AP1M1: variants seen among roughly 807,000 people sequenced by gnomAD.
AP1M1 encodes the protein AP-1 complex subunit mu-1.
In AP1M1, 18 loss-of-function variants were observed where a neutral mutation model predicts 57.1. The ratio of observed to expected loss-of-function variants is 0.32; its 90% CI spans 0.22 to 0.47. The LOEUF (loss-of-function observed/expected upper bound fraction) is 0.47, where lower values mean the gene tolerates loss of function less well. Ranked by LOEUF, AP1M1 falls within the 20% of genes least tolerant of loss-of-function variation. The probability of loss-of-function intolerance (pLI) is 1.00; values close to 1 mark genes in which losing one functional copy is unlikely to be tolerated. For missense variants in AP1M1, 362 were observed against 593.5 expected (o/e 0.61, Z 4.05); for synonymous variants, 241 against 237.9 (o/e 1.01, Z -0.12).
chr19:16,223,526 C>G (rs902211551), intron 5 of AP1M1, among the ~76,000 whole-genome samples: 1 of 152,218 alleles, frequency 6.6e-6, no homozygotes, highest in Non-Finnish European at 1.5e-5. Context: ...ACAACGGTTG[C>G]CCCACCCCCT....
At chr19:16,209,202 C>G (rs370707956) in intron 5 of AP1M1, 25 bp downstream of exon 5, 2 of 1,612,232 alleles carry the variant, frequency 1.2e-6, no homozygotes, top group African/African-American at 2.7e-5. Flanking sequence ...TTTCCTTCTT[C>G]TGTAGGGTTT....
intron 2 of AP1M1, among the ~76,000 whole-genome samples, chr19:16,204,926 G>A (rs1228922717): frequency 1.4e-5 from 2 of 141,558 alleles, no homozygotes; most frequent in African/African-American, 4.9e-5. Flanking sequence ...CGCCTCCCGG[G>A]TTCGCGCTAT....
chr19:16,210,676 C>T lies in AP1M1; in HGVS notation c.546+1499C>T, dbSNP rs200158336. 1.1e-4 allele frequency among the ~76,000 whole-genome samples: 16 copies of T among 152,314 alleles called. No homozygotes were observed. The East Asian group carries it at 2.1e-3, about 20-fold the overall frequency. On this transcript the variant is annotated intron_variant, in intron 5 of 11. Coordinates refer to ENST00000291439, the MANE Select transcript of AP1M1 (RefSeq NM_032493.4). ...CCAGGCTTAAGCGATTCTCCTGCCT[C>T]AGCCTCCCGAGTAGCTGGGATTACA... is the stretch of plus-strand genomic sequence containing the variant.
In AP1M1 at chr19:16,242,135, A is replaced by G. The variant is rs1373087184; in HGVS notation, c.*7700A>G. On this transcript the variant is annotated 3_prime_UTR_variant, in exon 12 of 12. Transcript: ENST00000291439. ...GGAGTTTGAGACCAGCCTGGGCAACATGGAGAAACTCTGTCTCTACAAAAA... is the reference window on the plus strand; with the variant it reads ...GGAGTTTGAGACCAGCCTGGGCAACGTGGAGAAACTCTGTCTCTACAAAAA... 1 of 152,316 alleles carries G rather than the reference A, an allele frequency of 6.6e-6. No individual in the cohort carries two copies. The highest frequency in any genetic ancestry group is 6.6e-5 in the Admixed American group (1 of 15,248). The allele number at this position is 152,316 out of a possible 1,614,324, so 9.4% of individuals were successfully genotyped here.
chr19:16,243,538 A>C lies in AP1M1; in HGVS notation c.*9103A>C, dbSNP rs1394963298. 6.6e-6 allele frequency: 1 copy of C among 151,064 alleles called. No homozygotes were observed. Among genetic ancestry groups the C allele is most frequent in the Admixed American group, 6.7e-5 (1 of 14,980 alleles). 9.4% of individuals were successfully genotyped at this position (151,064 alleles called of 1,614,324 possible). ...GTGATCCACCTGCCTCAGCCTCCAC[A>C]GTGCTGGAATTACAGGTGTGAGTCA... On this transcript the variant is annotated 3_prime_UTR_variant, in exon 12 of 12. Transcript: ENST00000291439.
chr19:16,226,327 TGA>T, intron 5 of AP1M1, 92 bp from the exon 6 acceptor site: 2 of 1,452,474 alleles, frequency 1.4e-6, no homozygotes. Flanking sequence ...AGAAGGGCGT[TGA>T]GAGTGGGGTG....
chr19:16,237,919 G>T lies in AP1M1; in HGVS notation c.*3484G>T, dbSNP rs1255019221. 1 of 151,776 alleles carries T rather than the reference G, an allele frequency of 6.6e-6. No homozygotes were observed. Among genetic ancestry groups the T allele is most frequent in the Non-Finnish European group, 1.5e-5 (1 of 67,990 alleles). The allele number at this position is 151,776 out of a possible 1,614,324, so 9.4% of individuals were successfully genotyped here. ...TGCAGTGGCGTGATCACGGCTCACTGCAGCCTCGAGCTGCCAGGCTCAGCC... is the reference window on the plus strand; with the variant it reads ...TGCAGTGGCGTGATCACGGCTCACTTCAGCCTCGAGCTGCCAGGCTCAGCC... On this transcript the variant is annotated 3_prime_UTR_variant, in exon 12 of 12. Coordinates refer to ENST00000291439, the MANE Select transcript of AP1M1 (RefSeq NM_032493.4).
At chr19:16,198,830 T>C (rs1220237956) in intron 1 of AP1M1, among the ~76,000 whole-genome samples, 1 of 151,946 alleles carries the variant, frequency 6.6e-6, no homozygotes, top group Non-Finnish European at 1.5e-5. Context: ...GTTTTTGAGA[T>C]AGTGTCATGC....
rs574881256 is a variant in AP1M1 at position 16,229,761 on chromosome 19, C to G, written c.1047+833C>G. ...AGAGAAAAGCCAGTTACCCCACCAC[C>G]TAATACTCCCGTCAGCCTTTCCGCG... On this transcript the variant is annotated intron_variant, in intron 9 of 11. Coordinates refer to ENST00000291439, the MANE Select transcript of AP1M1 (RefSeq NM_032493.4). Among the ~76,000 whole-genome samples, 4 of 152,342 alleles carry G rather than the reference C, an allele frequency of 2.6e-5. No homozygotes were observed. The East Asian group carries it at 7.7e-4, about 29-fold the overall frequency.
chr19:16,244,718 T>A lies in AP1M1; in HGVS notation c.*10283T>A, dbSNP rs1396867095. Reference sequence around the variant, plus strand: ...GGTGGCGGGCGCCTGTAGTCCCAGCTACTCCGGAGGCTGAGGCAGGAGAAT... The same window carrying A: ...GGTGGCGGGCGCCTGTAGTCCCAGCAACTCCGGAGGCTGAGGCAGGAGAAT... On this transcript the variant is annotated 3_prime_UTR_variant, in exon 12 of 12. Coordinates refer to ENST00000291439, the MANE Select transcript of AP1M1 (RefSeq NM_032493.4). 6.6e-6 allele frequency: 1 copy of A among 151,734 alleles called. No homozygotes were observed. The highest frequency in any genetic ancestry group is 1.5e-5 in the Non-Finnish European group (1 of 67,880). The allele number at this position is 151,734 out of a possible 1,614,324, so 9.4% of individuals were successfully genotyped here.
At chr19:16,224,740 GA>G (rs1444015318) in intron 5 of AP1M1, among the ~76,000 whole-genome samples, 3 of 152,200 alleles carry the variant, frequency 2.0e-5, no homozygotes, top group African/African-American at 7.2e-5. Flanking sequence ...CCAACTCCCT[GA>G]GGGGGAGGCA....
At chr19:16,205,660 G>A (rs1218335660) in intron 2 of AP1M1, among the ~76,000 whole-genome samples, 2 of 152,262 alleles carry the variant, frequency 1.3e-5, no homozygotes, top group South Asian at 2.1e-4. Flanking sequence ...CTTCTCTGGC[G>A]GCCCGGGGAC....
intron 5 of AP1M1, among the ~76,000 whole-genome samples, chr19:16,213,240 C>G (rs964291534): frequency 2.6e-5 from 4 of 152,160 alleles, no homozygotes; most frequent in African/African-American, 9.7e-5. Context: ...CTTTGTAGGT[C>G]TCTAAGAACT....
Position 16,206,396 on chromosome 19 carries a change from T to A in AP1M1, c.255T>A (p.Tyr85Ter). The change falls in exon 3 of 12, where the codon TAT (tyrosine) becomes TAA (stop). Residue 85 changes from tyrosine (Y) to a stop codon, truncating the protein, a stop_gained. Coordinates refer to ENST00000291439, the MANE Select transcript of AP1M1 (RefSeq NM_032493.4). LOFTEE classifies it high-confidence loss of function. This position sits in a 1 kb window ranked among gnomAD's most constrained non-coding sequence, Gnocchi z 4.3. ...TGTCGCTGGTCTTTTCTTTCCTCTATAAGGTGGTGCAGGTGAGTCTCGCTC... is the reference window on the plus strand; with the variant it reads ...TGTCGCTGGTCTTTTCTTTCCTCTAAAAGGTGGTGCAGGTGAGTCTCGCTC... ...ACVSLVFSFL[Y>*]KVVQVFSEYF... The A allele has an allele frequency of 6.2e-7, 1 of 1,613,868 alleles. No individual in the cohort carries two copies. The highest frequency in any genetic ancestry group is 1.7e-5 in the Admixed American group (1 of 59,996).
chr19:16,206,354 C>T lies in AP1M1; in HGVS notation c.213C>T (p.Ser71=). The T allele has an allele frequency of 6.2e-7, 1 of 1,614,142 alleles. No homozygotes were observed. The highest frequency in any genetic ancestry group is 8.5e-7 in the Non-Finnish European group (1 of 1,180,020). ...GCCGCCATGCAGTGGTTGCCACATC[C>T]AAGAAGAACGCGTGCGTGTCGCTGG... ...KHNNLYLVAT[S]KKNACVSLVF... Residue 71 remains serine, a synonymous_variant, in exon 3 of 12, where the codon TCC becomes TCT. Transcript: ENST00000291439. This position sits in a 1 kb window ranked among gnomAD's most constrained non-coding sequence, Gnocchi z 4.3.
intron 5 of AP1M1, among the ~76,000 whole-genome samples, chr19:16,213,543 G>A (rs1039837399): frequency 6.6e-6 from 1 of 151,934 alleles, no homozygotes; most frequent in South Asian, 2.1e-4. Context: ...TGCCCAGGCT[G>A]GAGTGCAGTG....
chr19:16,228,043 G>C lies in AP1M1; in HGVS notation c.817-94G>C. 1 of 1,303,840 alleles carries C rather than the reference G, an allele frequency of 7.7e-7. No homozygotes were observed. Among genetic ancestry groups the C allele is most frequent in the Non-Finnish European group, 1.1e-6 (1 of 918,702 alleles). The allele number at this position is 1,303,840 out of a possible 1,614,324, so 80.8% of individuals were successfully genotyped here. ...AGGGCTCTGGGCCCACACCTGGGCA[G>C]ATGGTCCCTTGCCCTGGGCCTTGGT... On this transcript the variant is annotated intron_variant, in intron 7 of 11. Coordinates refer to ENST00000291439, the MANE Select transcript of AP1M1 (RefSeq NM_032493.4). The surrounding 1 kb of genome is among the most constrained non-coding windows in gnomAD (Gnocchi z 5.0).
At position 16,237,393 on chromosome 19, in the gene AP1M1, T is replaced by A. The variant is rs1215711586; in HGVS notation, c.*2958T>A. On this transcript the variant is annotated 3_prime_UTR_variant, in exon 12 of 12. Coordinates refer to ENST00000291439, the MANE Select transcript of AP1M1 (RefSeq NM_032493.4). ...AGGTTGCAGTGAGCCAAGATAGTGT[T>A]ACTGCACTCCAGCCTGGGCAACAGA... The A allele has an allele frequency of 6.6e-6, 1 of 152,310 alleles. No individual in the cohort carries two copies. The highest frequency in any genetic ancestry group is 2.4e-5 in the African/African-American group (1 of 41,394). The allele number at this position is 152,310 out of a possible 1,614,324, so 9.4% of individuals were successfully genotyped here. A position where few individuals can be genotyped will look rare whatever the true frequency, so the allele number is the denominator to read the frequency against.
At chr19:16,198,122 C>T (rs769487228) in intron 1 of AP1M1, 54 bp downstream of exon 1, 270 of 1,582,438 alleles carry the variant, frequency 1.7e-4, no homozygotes, top group Non-Finnish European at 2.1e-4. Context: ...GGGGCCTCCG[C>T]CCGCGGGGAC....
Sources: gnomAD v4.1 joint callset for allele counts (sites outside exome capture counted in the v4.1 genomes callset) on GRCh38, gnomAD v4.1.1 for gene constraint, Gnocchi (gnomAD v3.1) non-coding constraint, MANE v1.5 for transcripts, NCBI Gene and HGNC (gene_info 2026-07-23, HGNC 2026-07-21) for gene names.